Variants in ATP2C1 observed in about 807,000 individuals in gnomAD.
ATP2C1 encodes the protein calcium-transporting ATPase type 2C member 1.
Under a neutral mutation model 120.5 loss-of-function variants are expected in ATP2C1, and 31 were observed. The observed-to-expected ratio is 0.26, with a 90% CI of 0.19 to 0.35. The LOEUF is 0.35. Ranked by LOEUF, ATP2C1 falls within the 10% of genes least tolerant of loss-of-function variation. The pLI is 1.00. For missense variants in ATP2C1, 731 were observed against 1,107.5 expected (o/e 0.66, Z 4.83); for synonymous variants, 351 against 358.7 (o/e 0.98, Z 0.24).
At chr3:131,016,036 T>G in intron 26 of ATP2C1, 2 of 1,338,998 alleles carry the variant, frequency 1.5e-6, no homozygotes, top group Admixed American at 2.1e-5. Flanking sequence ...AGTTTTTTTT[T>G]GTTTTGGTTT....
At chr3:130,991,319 TGTGGTGGTG>T (rs796900426) in intron 20 of ATP2C1, among the ~76,000 whole-genome samples, 2 of 151,844 alleles carry the variant, frequency 1.3e-5, no homozygotes, top group African/African-American at 2.4e-5. Flanking sequence ...GCATTAGCAA[TGTGGTGGTG>T]GTGGTGGTGG....
intron 8 of ATP2C1, among the ~76,000 whole-genome samples, chr3:130,944,580 C>T (rs980884130): frequency 6.6e-6 from 1 of 152,104 alleles, no homozygotes; most frequent in African/African-American, 2.4e-5. Flanking sequence ...TGATTACTTC[C>T]CAGGGCCCCA....
chr3:130,894,686 C>G lies in ATP2C1; in HGVS notation c.-84C>G. On this transcript the variant is annotated 5_prime_UTR_variant, in exon 2 of 28. Coordinates refer to ENST00000510168, the MANE Select transcript of ATP2C1 (RefSeq NM_001378687.1). This position sits in a 1 kb window ranked among gnomAD's most constrained non-coding sequence, Gnocchi z 4.5. The stretch of plus-strand genomic sequence containing the variant: ...CCGGGGGCTTCTCTTCCTTGTCCTC[C>G]TCCTCTCCTCTCTATTCCCAGTGTG... The G allele has an allele frequency of 1.9e-6, 3 of 1,613,716 alleles. No individual in the cohort carries two copies. In the South Asian group the frequency reaches 3.3e-5, roughly 18 times the overall value.
At chr3:130,985,923 G>A (rs1371830647) in intron 20 of ATP2C1, among the ~76,000 whole-genome samples, 2 of 152,052 alleles carry the variant, frequency 1.3e-5, no homozygotes, top group African/African-American at 4.8e-5. Flanking sequence ...ATGATTCGAT[G>A]TACACTAACA....
chr3:130,901,638 C>T (rs1325174765), intron 2 of ATP2C1, among the ~76,000 whole-genome samples: 1 of 151,984 alleles, frequency 6.6e-6, no homozygotes, highest in African/African-American at 2.4e-5. Context: ...TAGGGGCTGG[C>T]TGAAGGGAAT....
In ATP2C1 at chr3:130,894,157, C is replaced by A; in HGVS notation, c.-361C>A. On this transcript the variant is annotated 5_prime_UTR_variant, in exon 1 of 28. Transcript: ENST00000510168. This position sits in a 1 kb window ranked among gnomAD's most constrained non-coding sequence, Gnocchi z 4.5. ...CCTCACCTCCTCTTCTCTCCCCTCCCCGCCCGCCCTCTCTCCCTCCCTTCC... is the reference window on the plus strand; with the variant it reads ...CCTCACCTCCTCTTCTCTCCCCTCCACGCCCGCCCTCTCTCCCTCCCTTCC... The A allele has an allele frequency of 3.2e-6, 2 of 634,724 alleles. No individual in the cohort carries two copies. The highest frequency in any genetic ancestry group is 3.9e-6 in the Non-Finnish European group (2 of 509,488). The allele number at this position is 634,724 out of a possible 1,614,324, so 39.3% of individuals were successfully genotyped here.
rs537063525 is a variant in ATP2C1 at position 130,990,406 on chromosome 3, G to GA, written c.1840-2542dup. Among the ~76,000 whole-genome samples the GA allele has an allele frequency of 2.6e-5, 4 of 152,096 alleles. No homozygotes were observed. The South Asian group carries it at 8.3e-4, about 32-fold the overall frequency. On this transcript the variant is annotated intron_variant, in intron 20 of 27. Transcript: ENST00000510168. ...AAGAGGGACCCATGTTATATCCGAG[G>GA]AAAGAGCATTCCAGACAAGGGCAGA...
chr3:130,909,725 A>G (rs781409108), intron 2 of ATP2C1, among the ~76,000 whole-genome samples: 1 of 152,160 alleles, frequency 6.6e-6, no homozygotes, highest in Non-Finnish European at 1.5e-5. Flanking sequence ...TTACACTGAG[A>G]ATGCTTTTAC....
intron 2 of ATP2C1, among the ~76,000 whole-genome samples, chr3:130,895,711 T>G (rs147707144): frequency 2.6e-4 from 39 of 152,342 alleles, no homozygotes; most frequent in Non-Finnish European, 4.4e-4. Flanking sequence ...CTGCTTCTAA[T>G]TTGTTTTTCC....
intron 1 of ATP2C1, among the ~76,000 whole-genome samples, chr3:130,869,662 A>G (rs1238505682): frequency 6.6e-6 from 1 of 152,222 alleles, no homozygotes; most frequent in African/African-American, 2.4e-5. Flanking sequence ...GTCTGGATAC[A>G]AGACCAAACC....
At chr3:130,944,388 G>A (rs1352209798) in intron 8 of ATP2C1, among the ~76,000 whole-genome samples, 4 of 152,130 alleles carry the variant, frequency 2.6e-5, no homozygotes, top group Non-Finnish European at 2.9e-5. Context: ...TCACAGTTAC[G>A]GAGGCTGGAA....
intron 2 of ATP2C1, among the ~76,000 whole-genome samples, chr3:130,921,068 G>A (rs1275229530): frequency 2.0e-5 from 3 of 149,676 alleles, no homozygotes; most frequent in African/African-American, 7.4e-5. Context: ...GGAATCTTGC[G>A]AGTTTTCTTT....
chr3:130,894,149 T>TGCCCGG lies in ATP2C1; in HGVS notation c.-369_-368insGCCCGG. On this transcript the variant is annotated 5_prime_UTR_variant, in exon 1 of 28. Transcript: ENST00000510168. This position sits in a 1 kb window ranked among gnomAD's most constrained non-coding sequence, Gnocchi z 4.5. ...ACGGGTCCCCTCACCTCCTCTTCTC[T>TGCCCGG]CCCCTCCCCGCCCGCCCTCTCTCCC... 2.9e-6 allele frequency: 2 copies of TGCCCGG among 694,856 alleles called. No individual in the cohort carries two copies. The highest frequency in any genetic ancestry group is 3.5e-6 in the Non-Finnish European group (2 of 565,210). 43.0% of individuals were successfully genotyped at this position (694,856 alleles called of 1,614,324 possible). A position where few individuals can be genotyped will look rare whatever the true frequency, so the allele number is the denominator to read the frequency against.
intron 1 of ATP2C1, among the ~76,000 whole-genome samples, chr3:130,858,514 T>G (rs925818604): frequency 1.3e-5 from 2 of 152,236 alleles, no homozygotes; most frequent in African/African-American, 4.8e-5. Context: ...TTGAAGGCAC[T>G]TGGTAACTGT....
downstream of ATP2C1, among the ~76,000 whole-genome samples, chr3:131,006,413 GTTTATTTT>G (rs1271801515): frequency 6.6e-6 from 1 of 152,020 alleles, no homozygotes; most frequent in Non-Finnish European, 1.5e-5. Context: ...CGGTTGGCCT[GTTTATTTT>G]TTTAAATTTT....
intron 2 of ATP2C1, among the ~76,000 whole-genome samples, chr3:130,919,605 G>A (rs2058859602): frequency 6.6e-6 from 1 of 152,140 alleles, no homozygotes; most frequent in Non-Finnish European, 1.5e-5. Flanking sequence ...GTGGACATTA[G>A]GTTTCTGCAG....
chr3:130,924,807 C>T (rs1313536711), intron 2 of ATP2C1, among the ~76,000 whole-genome samples: 1 of 151,708 alleles, frequency 6.6e-6, no homozygotes, highest in African/African-American at 2.4e-5. Context: ...TGGGTTAATT[C>T]GAAAGCATTG....
At chr3:130,900,237 A>C (rs2070039436) in intron 2 of ATP2C1, among the ~76,000 whole-genome samples, 2 of 151,784 alleles carry the variant, frequency 1.3e-5, no homozygotes, top group African/African-American at 4.8e-5. Flanking sequence ...TAATTTCTTA[A>C]TTTTTTTAAA....
intron 1 of ATP2C1, among the ~76,000 whole-genome samples, chr3:130,881,501 G>C (rs1245355254): frequency 6.6e-6 from 1 of 151,992 alleles, no homozygotes; most frequent in East Asian, 1.9e-4. Flanking sequence ...TGGGACCACA[G>C]GTGCACACCA....
Sources: gnomAD v4.1 joint callset for allele counts (sites outside exome capture counted in the v4.1 genomes callset) on GRCh38, gnomAD v4.1.1 for gene constraint, Gnocchi (gnomAD v3.1) non-coding constraint, MANE v1.5 for transcripts, NCBI Gene and HGNC (gene_info 2026-07-23, HGNC 2026-07-21) for gene names.